The following LRRC7 variants were observed in gnomAD, a reference collection of about 807,000 sequenced individuals.
The protein encoded by LRRC7 is leucine rich repeat containing 7, also known as leucine-rich repeat-containing protein 7.
Under a neutral mutation model 175.7 loss-of-function variants are expected in LRRC7, and 23 were observed. The observed-to-expected ratio is 0.13, with a 90% confidence interval of 0.09 to 0.19. The LOEUF (loss-of-function observed/expected upper bound fraction) is 0.19. Ranked by LOEUF, LRRC7 falls within the 10% of genes least tolerant of loss-of-function variation. The pLI is 1.00. For missense variants in LRRC7, 1,354 were observed against 1,904.7 expected (o/e 0.71, Z 5.38); for synonymous variants, 685 against 680.9 (o/e 1.01, Z -0.09).
chr1:69,896,814 G>T (rs1413895527), intron 7 of LRRC7, among the ~76,000 whole-genome samples: 1 of 152,036 alleles, frequency 6.6e-6, no homozygotes, highest in Non-Finnish European at 1.5e-5. Flanking sequence ...CATGGTACTT[G>T]GTACAGAGTA....
intron 8 of LRRC7, among the ~76,000 whole-genome samples, chr1:69,977,722 A>C (rs924192277): frequency 6.6e-6 from 1 of 151,956 alleles, no homozygotes; most frequent in African/African-American, 2.4e-5. Context: ...AATTTTCCAC[A>C]CTCTCTCTTC....
chr1:69,724,809 C>A (rs1461626407), intron 2 of LRRC7, among the ~76,000 whole-genome samples: 1 of 152,072 alleles, frequency 6.6e-6, no homozygotes. Flanking sequence ...TAAATAAAAT[C>A]ATTTCACTGT....
intron 8 of LRRC7, among the ~76,000 whole-genome samples, chr1:69,946,137 G>C (rs372051422): frequency 6.6e-6 from 1 of 152,000 alleles, no homozygotes; most frequent in Non-Finnish European, 1.5e-5. Context: ...TAGCATGTTG[G>C]GGTACATTTT....
chr1:69,657,489 A>G (rs535568414), intron 1 of LRRC7, among the ~76,000 whole-genome samples: 2 of 151,980 alleles, frequency 1.3e-5, no homozygotes, highest in Non-Finnish European at 2.9e-5. Flanking sequence ...TAAGATTCCC[A>G]AGGATCCTCT....
At chr1:69,767,069 C>A (rs1439522231) in intron 3 of LRRC7, among the ~76,000 whole-genome samples, 4 of 152,134 alleles carry the variant, frequency 2.6e-5, no homozygotes, top group Non-Finnish European at 1.5e-5. Context: ...CCCCTGGCAA[C>A]TTATTTCTCC....
intron 1 of LRRC7, among the ~76,000 whole-genome samples, chr1:69,628,703 A>C (rs1651998868): frequency 6.6e-6 from 1 of 152,174 alleles, no homozygotes; most frequent in South Asian, 2.1e-4. Context: ...CCAGATGATG[A>C]AAGTACTGAA....
At chr1:69,687,414 G>A (rs1375818640) in intron 2 of LRRC7, among the ~76,000 whole-genome samples, 1 of 150,734 alleles carries the variant, frequency 6.6e-6, no homozygotes. Flanking sequence ...GGAGGCTGAG[G>A]CAGGAGAATC....
chr1:70,065,368 G>A (rs541193131), intron 23 of LRRC7, among the ~76,000 whole-genome samples: 12 of 152,064 alleles, frequency 7.9e-5, no homozygotes, highest in African/African-American at 2.9e-4. Flanking sequence ...AAAGGATGAT[G>A]ATGCTTATCT....
At chr1:69,739,941 A>G (rs1328527492) in intron 2 of LRRC7, among the ~76,000 whole-genome samples, 1 of 152,056 alleles carries the variant, frequency 6.6e-6, no homozygotes, top group Non-Finnish European at 1.5e-5. Flanking sequence ...GTTAGTTAGA[A>G]CCTGGTTTTA....
At chr1:69,846,789 A>G (rs1682419185) in intron 7 of LRRC7, among the ~76,000 whole-genome samples, 1 of 152,114 alleles carries the variant, frequency 6.6e-6, no homozygotes, top group African/African-American at 2.4e-5. Flanking sequence ...TAAATTTAGT[A>G]TACACTGGCA....
At chr1:69,900,343 T>C (rs1325743550) in intron 7 of LRRC7, among the ~76,000 whole-genome samples, 1 of 152,200 alleles carries the variant, frequency 6.6e-6, no homozygotes, top group Non-Finnish European at 1.5e-5. Flanking sequence ...AAACCCAGAA[T>C]CTACATCTGT....
In LRRC7 at chr1:70,142,559, A is replaced by C. The variant is rs913091983; in HGVS notation, c.*20672A>C. 1.3e-5 allele frequency: 2 copies of C among 152,106 alleles called. No individual in the cohort carries two copies. The highest frequency in any genetic ancestry group is 2.9e-5 in the Non-Finnish European group (2 of 67,982). The allele number at this position is 152,106 out of a possible 1,614,324, so 9.4% of individuals were successfully genotyped here. On this transcript the variant is annotated 3_prime_UTR_variant, in exon 27 of 27. Coordinates refer to ENST00000651989, the MANE Select transcript of LRRC7 (RefSeq NM_001370785.2). ...AGGATAATGACATTGTCTTCATATG[A>C]AGAAGAAATTTTTTACTAGTGGAAA...
At chr1:69,916,108 A>ATATATATTATATACATATTTTGTATATAT (rs1557884358) in intron 7 of LRRC7, among the ~76,000 whole-genome samples, 1 of 1,228 alleles carries the variant, frequency 8.1e-4, no homozygotes, top group African/African-American at 1.9e-3. Context: ...TTTATATATA[A>ATATATATTATATACATATTTTGTATATAT]TATATATATT....
At chr1:69,691,895 C>T (rs2100659439) in intron 2 of LRRC7, among the ~76,000 whole-genome samples, 1 of 150,816 alleles carries the variant, frequency 6.6e-6, no homozygotes, top group Admixed American at 6.6e-5. Context: ...TAAAGGCATC[C>T]AATAGATAAC....
intron 1 of LRRC7, among the ~76,000 whole-genome samples, chr1:69,632,411 T>C (rs1034675372): frequency 1.3e-5 from 2 of 152,184 alleles, no homozygotes; most frequent in African/African-American, 2.4e-5. Context: ...TACTCCCTTA[T>C]AGCATTTTAA....
intron 2 of LRRC7, among the ~76,000 whole-genome samples, chr1:69,726,264 A>C (rs1570527344): frequency 6.6e-6 from 1 of 152,168 alleles, no homozygotes; most frequent in African/African-American, 2.4e-5. Context: ...GGGCCATTCT[A>C]TTTCTACTGT....
chr1:70,111,390 GAC>G (rs1324179086), intron 26 of LRRC7, among the ~76,000 whole-genome samples: 10 of 152,226 alleles, frequency 6.6e-5, no homozygotes, highest in Admixed American at 3.9e-4. Flanking sequence ...ATTACTCTAA[GAC>G]AGTGTGGCAT....
chr1:69,854,524 A>T (rs1478745198), intron 7 of LRRC7, among the ~76,000 whole-genome samples: 1 of 152,058 alleles, frequency 6.6e-6, no homozygotes, highest in East Asian at 1.9e-4. Context: ...AGAGAGAGAG[A>T]AGCAAGATTT....
At chr1:69,931,407 T>C (rs1647359943) in intron 7 of LRRC7, 100 bp from the exon 8 acceptor site, 1 of 889,702 alleles carries the variant, frequency 1.1e-6, no homozygotes, top group South Asian at 1.4e-5. Context: ...TTTTGTGTAC[T>C]ACGCAATCAG....
Sources: gnomAD v4.1 joint callset for allele counts (sites outside exome capture counted in the v4.1 genomes callset) on GRCh38, gnomAD v4.1.1 for gene constraint, MANE v1.5 for transcripts, NCBI Gene and HGNC (gene_info 2026-07-23, HGNC 2026-07-21) for gene names.